Variants in PRKAR1A observed in about 807,000 individuals in gnomAD.
PRKAR1A encodes the protein cAMP-dependent protein kinase type I-alpha regulatory subunit.
A neutral mutation model predicts 52.0 loss-of-function variants in PRKAR1A; 3 were observed. The ratio of observed to expected loss-of-function variants is 0.06; its 90% CI spans 0.03 to 0.15. The LOEUF (loss-of-function observed/expected upper bound fraction) is 0.15, where lower values mean the gene tolerates loss of function less well. Among genes scored for constraint, PRKAR1A ranks in the 10% least tolerant of loss-of-function variants. PRKAR1A has a pLI of 1.00. For missense variants in PRKAR1A, 240 were observed against 477.4 expected (o/e 0.50, Z 4.63); for synonymous variants, 188 against 168.4 (o/e 1.12, Z -0.90).
the PRKAR1A span, chr17:68,426,254 G>GGGGCCCCCCCCCCCCCCC: frequency 3.7e-6 from 3 of 816,916 alleles, no homozygotes; most frequent in Non-Finnish European, 5.8e-6. Context: ...GGGAGCGGGG[G>GGGGCCCCCCCCCCCCCCC]CTCAAATAAA....
At chr17:68,444,338 T>A in the PRKAR1A span, among the ~76,000 whole-genome samples, 1 of 152,200 alleles carries the variant, frequency 6.6e-6, no homozygotes, top group South Asian at 2.1e-4. Context: ...ATAATTTGAA[T>A]CTGCCGCCAT....
the PRKAR1A span, chr17:68,433,681 C>G: frequency 1.3e-6 from 1 of 773,192 alleles, no homozygotes; most frequent in Non-Finnish European, 2.1e-6. Flanking sequence ...CCTGAAGAGC[C>G]TAGGTAGACC....
chr17:68,526,043 A>ATT lies in PRKAR1A; in HGVS notation c.708+135_708+136dup, dbSNP rs1261257691. ...TATTTCTTTCTTTTAATAAGCGAAT[A>ATT]TTTTTCTTTTAATGAGCAAATACTT... On this transcript the variant is annotated intron_variant, in intron 7 of 10. Transcript: ENST00000589228. The ATT allele has an allele frequency of 4.4e-6, 5 of 1,134,940 alleles. No individual in the cohort carries two copies. In the African/African-American group the frequency reaches 8.9e-5, roughly 20 times the overall value. The allele number at this position is 1,134,940 out of a possible 1,614,324, so 70.3% of individuals were successfully genotyped here. A position where few individuals can be genotyped will look rare whatever the true frequency, so the allele number is the denominator to read the frequency against.
the PRKAR1A span, among the ~76,000 whole-genome samples, chr17:68,437,610 G>C: frequency 6.6e-6 from 1 of 151,854 alleles, no homozygotes; most frequent in African/African-American, 2.4e-5. Flanking sequence ...CCTTGATAAG[G>C]GAAATGGGTA....
At chr17:68,486,878 A>T in the PRKAR1A span, among the ~76,000 whole-genome samples, 6 of 148,226 alleles carry the variant, frequency 4.0e-5, no homozygotes, top group African/African-American at 1.5e-4. Flanking sequence ...TGTTGTGCGG[A>T]TTTTTTTTTT....
In PRKAR1A at chr17:68,524,940, T is replaced by C; in HGVS notation, c.531T>C (p.Ile177=). 1 of 1,610,406 alleles carries C rather than the reference T, an allele frequency of 6.2e-7. No individual in the cohort carries two copies. Among genetic ancestry groups the C allele is most frequent in the Non-Finnish European group, 8.5e-7 (1 of 1,176,712 alleles). Residue 177 remains isoleucine, a synonymous_variant, in exon 6 of 11, where the codon ATT becomes ATC. Transcript: ENST00000589228. ...ATGAAGGGGATAACTTCTATGTGATTGATCAAGGAGAGACGGATGTAAGAT... is the reference window on the plus strand; with the variant it reads ...ATGAAGGGGATAACTTCTATGTGATCGATCAAGGAGAGACGGATGTAAGAT... ...QGDEGDNFYV[I]DQGETDVYVN... is the part of the protein sequence containing the mutation.
chr17:68,454,064 TA>T, the PRKAR1A span, among the ~76,000 whole-genome samples: 16 of 152,180 alleles, frequency 1.1e-4, no homozygotes, highest in African/African-American at 2.2e-4. Flanking sequence ...AAGTGCCTCT[TA>T]AAAAAAATCT....
At chr17:68,535,136 A>G (rs769119546), downstream of PRKAR1A, 2 of 371,014 alleles carry the variant, frequency 5.4e-6, no homozygotes, top group Non-Finnish European at 1.0e-5. Flanking sequence ...GAGACTTTTT[A>G]TTTCATGGGA....
upstream of PRKAR1A, among the ~76,000 whole-genome samples, chr17:68,511,604 C>T (rs1444439198): frequency 1.3e-5 from 2 of 152,202 alleles, no homozygotes; most frequent in African/African-American, 4.8e-5. Context: ...CTGACAAAGT[C>T]CTTTCCCGTG....
upstream of PRKAR1A, among the ~76,000 whole-genome samples, chr17:68,510,154 G>A (rs1191174588): frequency 2.6e-5 from 2 of 78,096 alleles, no homozygotes; most frequent in Admixed American, 1.4e-4. Context: ...ATATATATAT[G>A]TAGACAGAGA....
the PRKAR1A span, among the ~76,000 whole-genome samples, chr17:68,495,984 CT>C: frequency 1.5e-4 from 1 of 6,486 alleles, no homozygotes; most frequent in Non-Finnish European, 2.6e-4. Flanking sequence ...CTCTCCTCTC[CT>C]CTCCTCTCCT....
At chr17:68,446,327 TGC>T in the PRKAR1A span, among the ~76,000 whole-genome samples, 1 of 152,142 alleles carries the variant, frequency 6.6e-6, no homozygotes, top group South Asian at 2.1e-4. Flanking sequence ...ACTACAGGTG[TGC>T]GCCACCATGC....
At chr17:68,535,972 TG>T, downstream of PRKAR1A, 1 of 454,122 alleles carries the variant, frequency 2.2e-6, no homozygotes, top group South Asian at 1.6e-5. Flanking sequence ...CATTGGAGGA[TG>T]GGGGTTGTAT....
chr17:68,547,357 T>C (rs764384418), intron 11 of PRKAR1A, among the ~76,000 whole-genome samples: 22 of 152,340 alleles, frequency 1.4e-4, no homozygotes, highest in Middle Eastern at 3.4e-3. Context: ...GTGTGTTCTT[T>C]GAATCTTTGA....
the PRKAR1A span, among the ~76,000 whole-genome samples, chr17:68,464,266 C>T: frequency 2.0e-5 from 3 of 152,188 alleles, no homozygotes; most frequent in Non-Finnish European, 2.9e-5. Context: ...ATGATGAAAC[C>T]ACCTGCTTCA....
At chr17:68,510,147 T>C (rs1327471740), upstream of PRKAR1A, among the ~76,000 whole-genome samples, 1 of 112,334 alleles carries the variant, frequency 8.9e-6, no homozygotes, top group Non-Finnish European at 2.0e-5. Context: ...ACACCATATA[T>C]ATATATGTAG....
the PRKAR1A span, among the ~76,000 whole-genome samples, chr17:68,463,918 G>A: frequency 6.6e-6 from 1 of 152,182 alleles, no homozygotes; most frequent in Non-Finnish European, 1.5e-5. Context: ...ACTTTAGCAC[G>A]TTCAAGTCTC....
intron 2 of PRKAR1A, among the ~76,000 whole-genome samples, chr17:68,521,022 A>G (rs1202789566): frequency 6.6e-6 from 1 of 151,968 alleles, no homozygotes; most frequent in Non-Finnish European, 1.5e-5. Context: ...GCTCACTGCA[A>G]CCTCTGCCTC....
the PRKAR1A span, among the ~76,000 whole-genome samples, chr17:68,490,410 G>A: frequency 6.6e-6 from 1 of 152,110 alleles, no homozygotes; most frequent in Admixed American, 6.5e-5. Flanking sequence ...AGTTGTTGAG[G>A]TTGCCTCTTG....
Sources: allele counts gnomAD v4.1 joint callset (sites outside exome capture counted in the v4.1 genomes callset), GRCh38; gene constraint gnomAD v4.1.1; transcripts MANE v1.5; gene names NCBI Gene and HGNC (gene_info 2026-07-23, HGNC 2026-07-21).